ZNF423: variants seen among roughly 807,000 people sequenced by gnomAD.
The protein encoded by ZNF423 is Ebf-associated zinc finger protein.
Under a neutral mutation model 95.8 loss-of-function variants are expected in ZNF423, and 12 were observed. The observed-to-expected ratio is 0.13, with a 90% CI of 0.08 to 0.20. The LOEUF (loss-of-function observed/expected upper bound fraction) is 0.20. Among genes scored for constraint, ZNF423 ranks in the 10% least tolerant of loss-of-function variants. ZNF423 has a pLI of 1.00. For synonymous variants in ZNF423, 749 were observed against 711.9 expected, an observed-to-expected ratio of 1.05 and a Z score of -0.83; for missense variants, 1,316 against 1,737.1, an observed-to-expected ratio of 0.76 and a Z score of 4.31.
At chr16:49,623,822 G>T (rs1386691511) in intron 5 of ZNF423, among the ~76,000 whole-genome samples, 2 of 152,224 alleles carry the variant, frequency 1.3e-5, no homozygotes, top group Non-Finnish European at 2.9e-5. Flanking sequence ...CAAGGCACTG[G>T]GGGTAGAGGC....
At chr16:49,525,303 A>C (rs2151708527) in intron 6 of ZNF423, 60 bp downstream of exon 6, 3 of 1,595,696 alleles carry the variant, frequency 1.9e-6, no homozygotes, top group South Asian at 1.1e-5. Flanking sequence ...TCCCGCAATA[A>C]CAGGGCAGGG....
intron 3 of ZNF423, among the ~76,000 whole-genome samples, chr16:49,687,125 C>T (rs897759736): frequency 1.3e-5 from 2 of 151,978 alleles, no homozygotes; most frequent in Non-Finnish European, 2.9e-5. Flanking sequence ...ATACACCACC[C>T]CCGTGGTTTG....
intron 5 of ZNF423, among the ~76,000 whole-genome samples, chr16:49,592,329 T>G (rs1283400659): frequency 1.3e-5 from 2 of 152,196 alleles, no homozygotes; most frequent in African/African-American, 4.8e-5. Context: ...ATTATTTGAG[T>G]TTTTTAAAAC....
At chr16:49,587,769 C>T (rs1166485389) in intron 5 of ZNF423, among the ~76,000 whole-genome samples, 2 of 152,072 alleles carry the variant, frequency 1.3e-5, no homozygotes, top group Non-Finnish European at 2.9e-5. Flanking sequence ...TTTCAAAGAG[C>T]ATCATGCTCT....
chr16:49,815,879 AAAATATATATATATATAT>A (rs2034834873), intron 1 of ZNF423, among the ~76,000 whole-genome samples: 1 of 59,616 alleles, frequency 1.7e-5, no homozygotes, highest in Non-Finnish European at 2.9e-5. Flanking sequence ...ACAAAAAAAA[AAAATATATATATATATAT>A]ATATATATAT....
chr16:49,636,296 G>T lies in ZNF423; in HGVS notation c.2880C>A (p.His960Gln). 1 of 1,612,734 alleles carries T rather than the reference G, an allele frequency of 6.2e-7. No individual in the cohort carries two copies. The change falls in exon 4 of 8, where the codon CAC (histidine) becomes CAA (glutamine). Residue 960 changes from histidine to glutamine, a missense_variant. By Grantham distance (24) the His-to-Gln change is conservative. Transcript: ENST00000563137. This position sits in a 1 kb window ranked among gnomAD's most constrained non-coding sequence, Gnocchi z 8.6. ...ENGLREHLQT[H>Q]RGPAKHYMCP... ...ACATGTAGTGCTTGGCAGGGCCCCG[G>T]TGCGTCTGCAGGTGCTCCCGTAGCC...
At chr16:49,745,671 G>A (rs754645178) in intron 2 of ZNF423, among the ~76,000 whole-genome samples, 3 of 152,212 alleles carry the variant, frequency 2.0e-5, no homozygotes, top group Non-Finnish European at 2.9e-5. Context: ...AAAGGATTCT[G>A]CCAGGAGCTT....
At chr16:49,498,730 G>A (rs904710212) in intron 7 of ZNF423, among the ~76,000 whole-genome samples, 9 of 152,038 alleles carry the variant, frequency 5.9e-5, no homozygotes, top group Non-Finnish European at 1.0e-4. Flanking sequence ...ATAGATACAG[G>A]CAGCCCTGCC....
intron 7 of ZNF423, among the ~76,000 whole-genome samples, chr16:49,491,772 A>G (rs1007127374): frequency 1.3e-5 from 2 of 151,992 alleles, no homozygotes; most frequent in Non-Finnish European, 2.9e-5. Context: ...GCAGAGGGAG[A>G]CAGCAGATGT....
At chr16:49,727,404 T>TC (rs945715529) in intron 3 of ZNF423, among the ~76,000 whole-genome samples, 7 of 148,240 alleles carry the variant, frequency 4.7e-5, no homozygotes, top group African/African-American at 1.7e-4. Flanking sequence ...GGGGTAAGCA[T>TC]CCCCCCACCT....
intron 2 of ZNF423, among the ~76,000 whole-genome samples, chr16:49,731,759 A>G (rs1449244669): frequency 6.6e-6 from 1 of 152,112 alleles, no homozygotes; most frequent in Non-Finnish European, 1.5e-5. Flanking sequence ...ACGGGGAACT[A>G]TGATCGTGCC....
chr16:49,621,297 CGGAGGG>C (rs1972072066), intron 5 of ZNF423, among the ~76,000 whole-genome samples: 1 of 152,090 alleles, frequency 6.6e-6, no homozygotes, highest in Non-Finnish European at 1.5e-5. Context: ...ATTCTCCATG[CGGAGGG>C]GGGATTTCAA....
chr16:49,522,415 A>T (rs1968436804), intron 7 of ZNF423, among the ~76,000 whole-genome samples: 1 of 151,884 alleles, frequency 6.6e-6, no homozygotes, highest in Non-Finnish European at 1.5e-5. Context: ...ATGGGCATGG[A>T]CCCTCCGTGG....
At chr16:49,606,313 C>T (rs1410438824) in intron 5 of ZNF423, among the ~76,000 whole-genome samples, 6 of 151,906 alleles carry the variant, frequency 3.9e-5, no homozygotes, top group African/African-American at 7.3e-5. Flanking sequence ...GGAAGACACA[C>T]GCTGGACCTA....
chr16:49,544,718 C>G (rs10852600), intron 5 of ZNF423, among the ~76,000 whole-genome samples: 75,236 of 152,240 alleles, frequency 0.49, 22,714 homozygotes, highest in African/African-American at 0.86. Context: ...GGAGGGTTTT[C>G]CTCACTGAGC....
chr16:49,854,707 G>T (rs2035339450), intron 1 of ZNF423: 1 of 985,346 alleles, frequency 1.0e-6, no homozygotes, highest in African/African-American at 1.7e-5. Context: ...GGGAGAGGAG[G>T]CCAGGGGAGG....
At chr16:49,615,766 C>G (rs1183912629) in intron 5 of ZNF423, among the ~76,000 whole-genome samples, 1 of 152,218 alleles carries the variant, frequency 6.6e-6, no homozygotes, top group Non-Finnish European at 1.5e-5. Flanking sequence ...ACCCCTGGGC[C>G]TCTGTCGCCA....
At chr16:49,690,436 T>A (rs1024681218) in intron 3 of ZNF423, among the ~76,000 whole-genome samples, 1 of 152,202 alleles carries the variant, frequency 6.6e-6, no homozygotes, top group African/African-American at 2.4e-5. Flanking sequence ...GGCAAGAGAA[T>A]CGCTCATGCT....
intron 1 of ZNF423, among the ~76,000 whole-genome samples, chr16:49,812,828 G>A (rs62029413): frequency 0.23 from 34,312 of 151,998 alleles, 3,932 homozygotes; most frequent in Non-Finnish European, 0.24. Flanking sequence ...ATAAATACAC[G>A]AATTTTCATG....
Sources: gnomAD v4.1 joint callset for allele counts (sites outside exome capture counted in the v4.1 genomes callset) on GRCh38, gnomAD v4.1.1 for gene constraint, Gnocchi (gnomAD v3.1) non-coding constraint, MANE v1.5 for transcripts, NCBI Gene and HGNC (gene_info 2026-07-23, HGNC 2026-07-21) for gene names.